The following PPFIBP2 variants were observed in gnomAD, a reference collection of about 807,000 sequenced individuals.
PPFIBP2 encodes the protein PPFIB scaffold protein 2, also known as liprin-beta-2.
PPFIBP2 carries 118 observed loss-of-function variants against 118.3 expected under a neutral mutation model. The ratio of observed to expected loss-of-function variants is 1.00; its 90% confidence interval spans 0.86 to 1.16. The LOEUF (loss-of-function observed/expected upper bound fraction) is 1.16. Among genes scored for constraint, PPFIBP2 ranks in the 50% most tolerant of loss-of-function variants. The probability of loss-of-function intolerance (pLI) is 0.00; values close to 1 mark genes in which losing one functional copy is unlikely to be tolerated. For synonymous variants in PPFIBP2, 414 were observed against 397.4 expected, an observed-to-expected ratio of 1.04 and a Z score of -0.50; for missense variants, 1,195 against 1,073.1, an observed-to-expected ratio of 1.11 and a Z score of -1.59.
chr11:7,600,122 G>T (rs1024296750), intron 5 of PPFIBP2, among the ~76,000 whole-genome samples: 17 of 152,068 alleles, frequency 1.1e-4, no homozygotes, highest in African/African-American at 3.9e-4. Context: ...TTATTTTTCT[G>T]CCCATAAGCT....
intron 2 of PPFIBP2, among the ~76,000 whole-genome samples, chr11:7,560,524 C>T (rs1854180422): frequency 6.6e-6 from 1 of 152,084 alleles, no homozygotes; most frequent in African/African-American, 2.4e-5. Context: ...TTCTTTCTTT[C>T]AGAAGTTATT....
chr11:7,657,638 T>G (rs1366639187), downstream of PPFIBP2, among the ~76,000 whole-genome samples: 1 of 152,202 alleles, frequency 6.6e-6, no homozygotes, highest in Non-Finnish European at 1.5e-5. Flanking sequence ...TCTTTAGTCC[T>G]TCCTCCCTCC....
intron 1 of PPFIBP2, among the ~76,000 whole-genome samples, chr11:7,531,967 C>G (rs1185355744): frequency 6.6e-6 from 1 of 152,090 alleles, no homozygotes; most frequent in Admixed American, 6.6e-5. Context: ...TCCTGAGGAG[C>G]TGGGATTATA....
In PPFIBP2 at chr11:7,648,437, G is replaced by T; in HGVS notation, c.1697G>T (p.Trp566Leu). ...TGGAGCACAGAGCGTGTGTGTGCAT[G>T]GCTGGAGGACTTTGGCCTGGCTCAG... Reference protein sequence around the residue: ...AQWSTERVCAWLEDFGLAQYV... With the variant: ...AQWSTERVCALLEDFGLAQYV... The change falls in exon 18 of 24, where the codon TGG becomes TTG. Residue 566 changes from tryptophan to leucine, a missense_variant. By Grantham distance (61) the Trp-to-Leu change is moderately conservative. Coordinates refer to ENST00000299492, the MANE Select transcript of PPFIBP2 (RefSeq NM_003621.5). 1.9e-6 allele frequency: 3 copies of T among 1,614,162 alleles called. No individual in the cohort carries two copies. The Middle Eastern group carries it at 4.9e-4, about 266-fold the overall frequency.
chr11:7,590,726 A>G (rs61890237), intron 3 of PPFIBP2, among the ~76,000 whole-genome samples: 1,574 of 152,332 alleles, frequency 0.01, 11 homozygotes, highest in Non-Finnish European at 0.017. Context: ...GGACCATATT[A>G]TATTAGTCTC....
At chr11:7,565,495 G>A in intron 2 of PPFIBP2, 58 bp from the exon 3 acceptor site, 1 of 1,570,598 alleles carries the variant, frequency 6.4e-7, no homozygotes, top group Non-Finnish European at 8.8e-7. Context: ...CTCTTTACTA[G>A]TACCTTGCTC....
chr11:7,569,565 T>G (rs1356784858), intron 3 of PPFIBP2, among the ~76,000 whole-genome samples: 1 of 152,188 alleles, frequency 6.6e-6, no homozygotes, highest in African/African-American at 2.4e-5. Flanking sequence ...GGAGCAGTAT[T>G]TCCTCTGGAA....
chr11:7,567,110 A>G (rs1244688982), intron 3 of PPFIBP2, among the ~76,000 whole-genome samples: 1 of 152,162 alleles, frequency 6.6e-6, no homozygotes, highest in African/African-American at 2.4e-5. Flanking sequence ...TGACTCTATC[A>G]GTCTTTCCTA....
Position 7,631,265 on chromosome 11 carries a change from T to C in PPFIBP2, c.1068+237T>C, listed in dbSNP as rs1042612037. 3 of 451,586 alleles carry C rather than the reference T, an allele frequency of 6.6e-6. No homozygotes were observed. In the Admixed American group the frequency reaches 1.0e-4, roughly 16 times the overall value. 28.0% of individuals were successfully genotyped at this position (451,586 alleles called of 1,614,324 possible). A position where few individuals can be genotyped will look rare whatever the true frequency, so the allele number is the denominator to read the frequency against. ...CTGGAACTTTCAAGGATAGGAGTTC[T>C]CCTTTTTAATCAGGCTCCTAGTTTA... On this transcript the variant is annotated intron_variant, in intron 11 of 23. Transcript: ENST00000299492.
the PPFIBP2 span, among the ~76,000 whole-genome samples, chr11:7,663,502 C>T: frequency 2.4e-3 from 373 of 152,266 alleles, 1 homozygote; most frequent in Non-Finnish European, 2.9e-3. Flanking sequence ...GCAGTCTGCC[C>T]GTTCTCAGAT....
chr11:7,565,129 A>G (rs1232126851), intron 2 of PPFIBP2, among the ~76,000 whole-genome samples: 1 of 152,198 alleles, frequency 6.6e-6, no homozygotes, highest in Non-Finnish European at 1.5e-5. Context: ...TGTGAGCTTC[A>G]TACATCAGTC....
At chr11:7,594,844 G>A (rs1325285133) in intron 4 of PPFIBP2, among the ~76,000 whole-genome samples, 1 of 150,130 alleles carries the variant, frequency 6.7e-6, no homozygotes, top group Non-Finnish European at 1.5e-5. Flanking sequence ...TTGAACCCAG[G>A]AGGTGGAGGT....
At chr11:7,597,702 G>A (rs780006290) in intron 5 of PPFIBP2, 29 bp downstream of exon 5, 1 of 1,565,808 alleles carries the variant, frequency 6.4e-7, no homozygotes. Context: ...AAGGCCCTTG[G>A]GTGCCGAAGC....
In PPFIBP2 at chr11:7,597,593, G is replaced by A. The variant is rs1411482516; in HGVS notation, c.406G>A (p.Gly136Arg). ...CCTCACAGACCAAGTAGAAGCCCAGGGAGAAAAGATTCGAGACCTGGAAGT... is the reference window on the plus strand; with the variant it reads ...CCTCACAGACCAAGTAGAAGCCCAGAGAGAAAAGATTCGAGACCTGGAAGT... The part of the protein sequence containing the change: ...SVLTDQVEAQ[G>R]EKIRDLEVCL... The change falls in exon 5 of 24, where the codon GGA becomes AGA. Residue 136 changes from glycine to arginine, a missense_variant. By Grantham distance (125) the Gly-to-Arg change is moderately radical. Coordinates refer to ENST00000299492, the MANE Select transcript of PPFIBP2 (RefSeq NM_003621.5). 6.2e-7 allele frequency: 1 copy of A among 1,614,022 alleles called. No individual in the cohort carries two copies. The highest frequency in any genetic ancestry group is 1.7e-5 in the Admixed American group (1 of 60,018).
chr11:7,631,103 G>A, intron 11 of PPFIBP2, 75 bp downstream of exon 11: 1 of 1,062,630 alleles, frequency 9.4e-7, no homozygotes, highest in East Asian at 2.4e-5. Flanking sequence ...GGAGGATCTA[G>A]TCAGACACGT....
intron 2 of PPFIBP2, among the ~76,000 whole-genome samples, chr11:7,554,091 T>G (rs1479663679): frequency 6.6e-6 from 1 of 152,214 alleles, no homozygotes; most frequent in Non-Finnish European, 1.5e-5. Flanking sequence ...CATTTAAATC[T>G]TCCTCTCTTT....
Position 7,648,917 on chromosome 11 carries a change from G to T in PPFIBP2, c.1909+6G>T, listed in dbSNP as rs1488775493. 5.6e-6 allele frequency: 9 copies of T among 1,607,044 alleles called. No individual in the cohort carries two copies. The highest frequency in any genetic ancestry group is 1.7e-5 in the Admixed American group (1 of 59,996). On this transcript the variant is annotated splice_donor_region_variant and intron_variant, in intron 19 of 23. Coordinates refer to ENST00000299492, the MANE Select transcript of PPFIBP2 (RefSeq NM_003621.5). ...AGACCACATTTGGGTGACAAGTAAG[G>T]ATAGGCATATATGTATTAAGAATGT...
chr11:7,663,027 G>A, the PPFIBP2 span, among the ~76,000 whole-genome samples: 1 of 134,852 alleles, frequency 7.4e-6, no homozygotes, highest in African/African-American at 2.5e-5. Flanking sequence ...CTCTGTATTG[G>A]TTATTCTAGT....
chr11:7,541,879 A>G (rs1851824646), intron 1 of PPFIBP2, among the ~76,000 whole-genome samples: 1 of 152,218 alleles, frequency 6.6e-6, no homozygotes, highest in Admixed American at 6.5e-5. Context: ...AAAACCGTGT[A>G]GGCACACTTG....
Sources: gnomAD v4.1 joint callset for allele counts (sites outside exome capture counted in the v4.1 genomes callset) on GRCh38, gnomAD v4.1.1 for gene constraint, MANE v1.5 for transcripts, NCBI Gene and HGNC (gene_info 2026-07-23, HGNC 2026-07-21) for gene names.